FGF13: variants seen among roughly 807,000 people sequenced by gnomAD.
FGF13 encodes fibroblast growth factor homologous factor 2.
In FGF13, 2 loss-of-function variants were observed where a neutral mutation model predicts 19.5. The observed-to-expected ratio is 0.10, with a 90% CI of 0.04 to 0.32. The LOEUF (loss-of-function observed/expected upper bound fraction) is 0.32, where lower values mean the gene tolerates loss of function less well. Ranked by LOEUF, FGF13 falls within the 10% of genes least tolerant of loss-of-function variation. FGF13 has a pLI of 1.00. For missense variants in FGF13, 113 were observed against 192.7 expected, an observed-to-expected ratio of 0.59 and a Z score of 2.45; for synonymous variants, 72 against 76.9, an observed-to-expected ratio of 0.94 and a Z score of 0.33.
intron 1 of FGF13, among the ~76,000 whole-genome samples, chrX:139,056,432 G>C (rs1392456604): frequency 8.9e-6 from 1 of 112,080 alleles, no homozygotes; most frequent in Non-Finnish European, 1.9e-5. Context: ...GGAAGTTCAT[G>C]TTTACAGCAT....
At chrX:139,162,589 T>C (rs1476915061) in intron 1 of FGF13, among the ~76,000 whole-genome samples, 1 of 111,926 alleles carries the variant, frequency 8.9e-6, no homozygotes, top group Non-Finnish European at 1.9e-5. Context: ...GAAACTATCA[T>C]CAGAGTGAAC....
intron 1 of FGF13, among the ~76,000 whole-genome samples, chrX:138,928,670 C>T (rs1359834345): frequency 8.9e-6 from 1 of 111,759 alleles, no homozygotes; most frequent in Non-Finnish European, 1.9e-5. Context: ...AACCAAATAA[C>T]TATAGGCTGG....
intron 1 of FGF13, among the ~76,000 whole-genome samples, chrX:138,959,958 G>A (rs1400677945): frequency 8.9e-6 from 1 of 111,884 alleles, no homozygotes; most frequent in African/African-American, 3.3e-5. Flanking sequence ...ACACTGATGA[G>A]TCTTGATTCT....
At chrX:138,892,002 A>ATGTGTG (rs3077315) in intron 1 of FGF13, among the ~76,000 whole-genome samples, 966 of 90,359 alleles carry the variant, frequency 0.011, 8 homozygotes, top group Middle Eastern at 0.016. Flanking sequence ...ATATATACAT[A>ATGTGTG]TGTGTGTGTG....
chrX:138,662,417 A>G (rs2089498305), intron 3 of FGF13, among the ~76,000 whole-genome samples: 1 of 111,873 alleles, frequency 8.9e-6, no homozygotes, highest in South Asian at 3.7e-4. Flanking sequence ...TGACTTTGGA[A>G]TATGCTTCAA....
intron 2 of FGF13, among the ~76,000 whole-genome samples, chrX:138,705,388 A>G (rs1050780995): frequency 3.6e-5 from 4 of 111,916 alleles, no homozygotes; most frequent in Non-Finnish European, 7.5e-5. Flanking sequence ...AAATGTCTAA[A>G]TTTCAAACAT....
chrX:138,725,013 A>G (rs1166328004), intron 1 of FGF13, among the ~76,000 whole-genome samples: 4 of 112,277 alleles, frequency 3.6e-5, no homozygotes, highest in Admixed American at 2.8e-4. Flanking sequence ...AAACATTTTT[A>G]TAAGTTTATT....
intron 1 of FGF13, chrX:138,990,451 TA>T (rs1005234158): frequency 9.0e-6 from 1 of 110,554 alleles, no homozygotes; most frequent in Non-Finnish European, 1.9e-5. Flanking sequence ...ATGCTGTTGA[TA>T]AAGACATACC....
chrX:139,204,063 AG>A, upstream of FGF13: 1 of 1,210,840 alleles, frequency 8.3e-7, no homozygotes, highest in Non-Finnish European at 1.1e-6. Context: ...GCTTACCCTT[AG>A]AAGCATCTTT....
At position 138,643,718 on chromosome X, in the gene FGF13, T is replaced by A. The variant is rs1448764797; in HGVS notation, c.403-8063A>T. Among the ~76,000 whole-genome samples the A allele has an allele frequency of 4.5e-5, 5 of 112,158 alleles. No individual in the cohort carries two copies. The East Asian group carries it at 1.1e-3, about 25-fold the overall frequency. ...TAACAGAAATCTGTGGAATTTTTTA[T>A]TTCAAGCGAAGAACACTTCTCTAAG... On this transcript the variant is annotated intron_variant, in intron 3 of 4. Transcript: ENST00000315930.
chrX:138,938,920 G>A (rs745511373), intron 1 of FGF13, among the ~76,000 whole-genome samples: 1 of 111,298 alleles, frequency 9.0e-6, no homozygotes. Flanking sequence ...TCTTGTGCGG[G>A]ACTGGGGTGC....
intron 3 of FGF13, among the ~76,000 whole-genome samples, chrX:138,747,327 C>T (rs1290908787): frequency 9.0e-6 from 1 of 111,214 alleles, no homozygotes; most frequent in African/African-American, 3.3e-5. Context: ...TCATGATTTT[C>T]TTCATTGTTA....
At chrX:139,156,772 G>C (rs949509623) in intron 1 of FGF13, among the ~76,000 whole-genome samples, 5 of 112,272 alleles carry the variant, frequency 4.5e-5, no homozygotes, top group Non-Finnish European at 9.4e-5. Flanking sequence ...TCTAAGGTGA[G>C]AAAAAGTACA....
At chrX:139,162,822 C>T (rs1333451055) in intron 1 of FGF13, among the ~76,000 whole-genome samples, 1 of 112,290 alleles carries the variant, frequency 8.9e-6, no homozygotes, top group African/African-American at 3.2e-5. Context: ...TGGAGAAATG[C>T]AAATCAAAAC....
At chrX:139,020,142 G>T (rs981822566) in intron 1 of FGF13, among the ~76,000 whole-genome samples, 1 of 110,897 alleles carries the variant, frequency 9.0e-6, no homozygotes, top group East Asian at 2.9e-4. Context: ...TTATAAGAAG[G>T]ACAAAAAATG....
chrX:138,664,512 A>C (rs553982623), intron 3 of FGF13, among the ~76,000 whole-genome samples: 16 of 110,916 alleles, frequency 1.4e-4, no homozygotes, highest in Non-Finnish European at 2.3e-4. Context: ...AGTTGTTACA[A>C]GAAAGATCAT....
intron 1 of FGF13, among the ~76,000 whole-genome samples, chrX:138,979,814 C>G (rs1456299808): frequency 1.8e-5 from 2 of 111,556 alleles, no homozygotes; most frequent in African/African-American, 6.5e-5. Flanking sequence ...AGCTACCTAT[C>G]TTTATGTTAG....
chrX:138,915,911 G>C (rs2091615741), intron 1 of FGF13, among the ~76,000 whole-genome samples: 1 of 111,994 alleles, frequency 8.9e-6, no homozygotes, highest in Non-Finnish European at 1.9e-5. Context: ...GCTTCTCTAA[G>C]TTCTTCTGGT....
chrX:139,026,415 C>T (rs1172644507), intron 1 of FGF13, among the ~76,000 whole-genome samples: 1 of 111,826 alleles, frequency 8.9e-6, no homozygotes, highest in East Asian at 2.8e-4. Context: ...CAAAGTAAAT[C>T]ACATAAAAAA....
Sources: gnomAD v4.1 joint callset for allele counts (sites outside exome capture counted in the v4.1 genomes callset) on GRCh38, gnomAD v4.1.1 for gene constraint, MANE v1.5 for transcripts, NCBI Gene and HGNC (gene_info 2026-07-23, HGNC 2026-07-21) for gene names.